SHPRH: variants seen among roughly 807,000 people sequenced by gnomAD.
SHPRH encodes SNF2 histone linker PHD RING helicase.
SHPRH carries 106 observed loss-of-function variants against 202.5 expected under a neutral mutation model. The observed-to-expected ratio is 0.52, with a 90% CI of 0.45 to 0.62. The LOEUF is 0.62. Among genes scored for constraint, SHPRH ranks in the 20% least tolerant of loss-of-function variants. The pLI, the probability that SHPRH is intolerant of heterozygous loss-of-function variation, is 0.00. For synonymous variants in SHPRH, 729 were observed against 686.0 expected, an observed-to-expected ratio of 1.06 and a Z score of -0.98; for missense variants, 1,710 against 2,020.0, an observed-to-expected ratio of 0.85 and a Z score of 2.94.
In SHPRH at chr6:145,941,756, T is replaced by C. The variant is rs375124718; in HGVS notation, c.2357A>G (p.His786Arg). ...GCGACGCCCATCCTCACTATTGCTA[T>C]GTGGGATATCGACATAATTTAATTC... ...RSELNYVDIPHSNSEDGRRLR... is the reference protein window; with the variant it reads ...RSELNYVDIPRSNSEDGRRLR... Residue 786 changes from histidine (H) to arginine (R), a missense_variant, in exon 10 of 30, where the codon CAT becomes CGT. Physicochemically the swap from His to Arg is conservative, Grantham distance 29 (BLOSUM62 0). Coordinates refer to ENST00000275233, the MANE Select transcript of SHPRH (RefSeq NM_001042683.3). The C allele has an allele frequency of 2.5e-6, 4 of 1,614,020 alleles. No homozygotes were observed. Among genetic ancestry groups the C allele is most frequent in the Non-Finnish European group, 3.4e-6 (4 of 1,179,966 alleles).
intron 21 of SHPRH, among the ~76,000 whole-genome samples, chr6:145,920,348 T>TGG (rs1784338555): frequency 6.6e-6 from 1 of 152,104 alleles, no homozygotes; most frequent in South Asian, 2.1e-4. Context: ...TAACACTTCT[T>TGG]CCAAGGCTTA....
intron 25 of SHPRH, chr6:145,905,357 A>G (rs1782868633): frequency 6.6e-6 from 1 of 152,122 alleles, no homozygotes; most frequent in Admixed American, 6.6e-5. Context: ...AGGATAAAGA[A>G]TAACTGTCAA....
intron 28 of SHPRH, among the ~76,000 whole-genome samples, chr6:145,892,833 G>A (rs1190149180): frequency 2.0e-5 from 3 of 151,888 alleles, no homozygotes; most frequent in East Asian, 3.9e-4. Flanking sequence ...TTTTAAACAC[G>A]GGACTACTTT....
chr6:145,897,556 T>C (rs1021777748), intron 25 of SHPRH, among the ~76,000 whole-genome samples: 2 of 152,078 alleles, frequency 1.3e-5, no homozygotes, highest in African/African-American at 4.8e-5. Context: ...TACTCTGATA[T>C]CAAAATCAGA....
chr6:145,929,721 G>C (rs1160018596), intron 14 of SHPRH, among the ~76,000 whole-genome samples: 1 of 151,954 alleles, frequency 6.6e-6, no homozygotes, highest in Non-Finnish European at 1.5e-5. Context: ...GGACTTTCTA[G>C]GGAATGCCCT....
rs868261887 is a variant in SHPRH at position 145,867,623 on chromosome 6, T to G, written c.222-3132A>C. 4.8e-3 allele frequency among the ~76,000 whole-genome samples: 330 copies of G among 68,316 alleles called. 1 individual carries two copies. The highest frequency in any genetic ancestry group is 6.9e-3 in the Middle Eastern group (1 of 144). 44.8% of individuals were successfully genotyped at this position (68,316 alleles called of 152,430 possible). On this transcript the variant is annotated intron_variant, in intron 2 of 2. Transcript: ENST00000417762. The stretch of plus-strand genomic sequence containing the variant: ...GAATATATATATATATATATATATA[T>G]ATATATATAGAGAGAGAGAGAGAGA...
At position 145,943,268 on chromosome 6, in the gene SHPRH, G is replaced by A. The variant is rs755682974; in HGVS notation, c.2113C>T (p.His705Tyr). 8 of 1,613,756 alleles carry A rather than the reference G, an allele frequency of 5.0e-6. No individual in the cohort carries two copies. The highest frequency in any genetic ancestry group is 6.8e-6 in the Non-Finnish European group (8 of 1,179,902). Residue 705 changes from histidine to tyrosine, a missense_variant, in exon 9 of 30, where the codon CAC becomes TAC. Transcript: ENST00000275233. Reference protein sequence around the residue: ...NLKIKPFYCPHCLVAMEPVST... With the variant: ...NLKIKPFYCPYCLVAMEPVST... ...ACTGGTTCCATTGCAACAAGGCAGT[G>A]GGGGCAGTAAAAAGGCTTGATCTTC...
rs750440214 is a variant in SHPRH at position 145,886,836 on chromosome 6, C to T, written c.4956-49G>A. ...CAGTCAGAAAGAAACCCCAAGCCATCAGCGATTATATTTGTAGTAATACGA... is the reference window on the plus strand; with the variant it reads ...CAGTCAGAAAGAAACCCCAAGCCATTAGCGATTATATTTGTAGTAATACGA... On this transcript the variant is annotated intron_variant, in intron 29 of 29. Coordinates refer to ENST00000275233, the MANE Select transcript of SHPRH (RefSeq NM_001042683.3). 6 of 1,581,054 alleles carry T rather than the reference C, an allele frequency of 3.8e-6. No individual in the cohort carries two copies. In the Admixed American group the frequency reaches 7.5e-5, roughly 20 times the overall value.
chr6:145,885,414 C>G lies in SHPRH; in HGVS notation c.*1277G>C, dbSNP rs1273525945. 1 of 152,414 alleles carries G rather than the reference C, an allele frequency of 6.6e-6. No homozygotes were observed. Among genetic ancestry groups the G allele is most frequent in the Non-Finnish European group, 1.5e-5 (1 of 68,008 alleles). The allele number at this position is 152,414 out of a possible 1,614,324, so 9.4% of individuals were successfully genotyped here. A position where few individuals can be genotyped will look rare whatever the true frequency, so the allele number is the denominator to read the frequency against. ...AGTAAGAAAATGCACCTTAACTAAG[C>G]ACCAAAGCCTCTCGGACAAATGGGA... On this transcript the variant is annotated 3_prime_UTR_variant, in exon 30 of 30. Transcript: ENST00000275233.
intron 23 of SHPRH, among the ~76,000 whole-genome samples, chr6:145,916,383 A>G (rs1056544024): frequency 6.6e-6 from 1 of 152,116 alleles, no homozygotes; most frequent in Admixed American, 6.6e-5. Context: ...TTCAACCTAC[A>G]TAAAATTGTT....
At position 145,945,529 on chromosome 6, in the gene SHPRH, T is replaced by G. The variant is rs1787275360; in HGVS notation, c.1430A>C (p.Gln477Pro). Residue 477 changes from glutamine (Q) to proline (P), a missense_variant, in exon 8 of 30, where the codon CAA (glutamine) becomes CCA (proline). Physicochemically the swap from Gln to Pro is moderately conservative, Grantham distance 76. Transcript: ENST00000275233. ...YVSSIYRYDV[Q>P]RNRSLLKRML... ...CCGTTTCAAAAGACTCCTGTTCCGT[T>G]GAACATCGTATCTATATATAGAACT... 2 of 1,613,224 alleles carry G rather than the reference T, an allele frequency of 1.2e-6. No individual in the cohort carries two copies. The highest frequency in any genetic ancestry group is 1.7e-6 in the Non-Finnish European group (2 of 1,179,624).
intron 7 of SHPRH, 32 bp downstream of exon 7, chr6:145,946,201 A>C (rs756774322): frequency 1.3e-6 from 2 of 1,505,932 alleles, no homozygotes; most frequent in Non-Finnish European, 1.8e-6. Context: ...TCACTATAAG[A>C]AGGTATTTCC....
At position 145,913,494 on chromosome 6, in the gene SHPRH, C is replaced by T. The variant is rs754574086; in HGVS notation, c.4310G>A (p.Arg1437Gln). The change falls in exon 24 of 30, where the codon CGA (arginine) becomes CAA (glutamine). Residue 1437 changes from arginine (R) to glutamine (Q), a missense_variant. By Grantham distance (43) the Arg-to-Gln change is conservative. This residue lies in a region of SHPRH where 306 missense variants were observed against 479.5 expected (regional missense o/e 0.64). Coordinates refer to ENST00000275233, the MANE Select transcript of SHPRH (RefSeq NM_001042683.3). ...VNPEPCPICA[R>Q]QLGKQWAVLT... ...TAATTTTACCTGTTTTCCTAGCTGT[C>T]GAGCACAGATTGGGCAAGGTTCTGG... 3.1e-6 allele frequency: 5 copies of T among 1,609,772 alleles called. No homozygotes were observed. Among genetic ancestry groups the T allele is most frequent in the Non-Finnish European group, 4.2e-6 (5 of 1,177,900 alleles).
chr6:145,922,225 T>C (rs1409559968), intron 20 of SHPRH, 61 bp downstream of exon 20: 19 of 1,439,966 alleles, frequency 1.3e-5, no homozygotes, highest in Admixed American at 2.1e-5. Flanking sequence ...TTATATCACA[T>C]AACTGAGTCT....
intron 1 of SHPRH, among the ~76,000 whole-genome samples, chr6:145,957,537 A>T (rs577585033): frequency 6.6e-5 from 10 of 152,158 alleles, no homozygotes; most frequent in Non-Finnish European, 1.5e-4. Flanking sequence ...AAAAAGTCAA[A>T]AATTTTGAAT....
intron 23 of SHPRH, among the ~76,000 whole-genome samples, chr6:145,916,390 T>C (rs1783956222): frequency 6.6e-6 from 1 of 152,072 alleles, no homozygotes; most frequent in Non-Finnish European, 1.5e-5. Context: ...TACATAAAAT[T>C]GTTGACAGAT....
chr6:145,946,474 A>T, intron 6 of SHPRH, 133 bp from the exon 7 acceptor site: 1 of 583,890 alleles, frequency 1.7e-6, no homozygotes, highest in Non-Finnish European at 2.9e-6. Context: ...AGGGCCAAAT[A>T]GCTGTAGATA....
chr6:145,949,256 G>C (rs1787726644), intron 4 of SHPRH, among the ~76,000 whole-genome samples: 2 of 151,964 alleles, frequency 1.3e-5, no homozygotes, highest in Admixed American at 1.3e-4. Context: ...AGTCACCCAT[G>C]CTTACATGTT....
intron 2 of SHPRH, among the ~76,000 whole-genome samples, chr6:145,867,621 TATATATATATAGAGAGAGAG>T (rs1302982205): frequency 2.7e-4 from 19 of 70,012 alleles, no homozygotes; most frequent in African/African-American, 1.3e-3. Flanking sequence ...TATATATATA[TATATATATATAGAGAGAGAG>T]AGAGAGAGAG....
Sources: gnomAD v4.1 joint callset for allele counts (sites outside exome capture counted in the v4.1 genomes callset) on GRCh38, gnomAD v4.1.1 for gene constraint, gnomAD v4.1.1 regional missense constraint, MANE v1.5 for transcripts, NCBI Gene and HGNC (gene_info 2026-07-23, HGNC 2026-07-21) for gene names.